Variants in ATRNL1 observed in about 807,000 individuals in gnomAD.
The protein encoded by ATRNL1 is attractin-like protein 1.
Under a neutral mutation model 182.7 loss-of-function variants are expected in ATRNL1, and 95 were observed. That is an observed-to-expected ratio of 0.52 (90% CI 0.44 to 0.62). The LOEUF (loss-of-function observed/expected upper bound fraction) is 0.62. Among genes scored for constraint, ATRNL1 ranks in the 20% least tolerant of loss-of-function variants. ATRNL1 has a pLI of 0.00. For missense variants in ATRNL1, 1,471 were observed against 1,679.5 expected, an observed-to-expected ratio of 0.88 and a Z score of 2.17; for synonymous variants, 576 against 568.3, an observed-to-expected ratio of 1.01 and a Z score of -0.19.
chr10:115,730,648 A>G (rs1481459750), intron 27 of ATRNL1, among the ~76,000 whole-genome samples: 1 of 150,056 alleles, frequency 6.7e-6, no homozygotes, highest in Admixed American at 6.6e-5. Context: ...TGAGGCGGGA[A>G]GAAGTGAATG....
chr10:115,780,665 C>G (rs1247227975), intron 27 of ATRNL1, among the ~76,000 whole-genome samples: 1 of 152,134 alleles, frequency 6.6e-6, no homozygotes, highest in African/African-American at 2.4e-5. Context: ...GCCCCCTTTC[C>G]AGGCCCTAGC....
At chr10:115,331,271 A>G (rs1300005502) in intron 18 of ATRNL1, among the ~76,000 whole-genome samples, 4 of 152,194 alleles carry the variant, frequency 2.6e-5, no homozygotes, top group Non-Finnish European at 5.9e-5. Context: ...CATGTTAGCC[A>G]GGATCATCTC....
intron 28 of ATRNL1, among the ~76,000 whole-genome samples, chr10:115,887,681 T>C (rs1267156990): frequency 2.6e-5 from 4 of 151,450 alleles, no homozygotes; most frequent in African/African-American, 9.7e-5. Flanking sequence ...TTTTTCACCA[T>C]GCCTAGTTCT....
At chr10:115,368,793 A>G (rs1341968238) in intron 19 of ATRNL1, among the ~76,000 whole-genome samples, 1 of 150,694 alleles carries the variant, frequency 6.6e-6, no homozygotes, top group African/African-American at 2.5e-5. Flanking sequence ...GGTTCACTGC[A>G]ACCACCGCCT....
At chr10:115,602,151 C>T (rs1273722856) in intron 26 of ATRNL1, among the ~76,000 whole-genome samples, 2 of 151,794 alleles carry the variant, frequency 1.3e-5, no homozygotes, top group African/African-American at 2.4e-5. Flanking sequence ...GTCAGGAGTT[C>T]GAGACCAGCC....
At chr10:115,756,986 C>CT (rs1164476364) in intron 27 of ATRNL1, among the ~76,000 whole-genome samples, 11 of 151,854 alleles carry the variant, frequency 7.2e-5, no homozygotes, top group South Asian at 4.2e-4. Flanking sequence ...GCAACCCCTG[C>CT]TTTTTTTTGT....
At chr10:115,109,592 CG>C (rs572049923) in intron 1 of ATRNL1, among the ~76,000 whole-genome samples, 262 of 152,184 alleles carry the variant, frequency 1.7e-3, no homozygotes, top group African/African-American at 5.9e-3. Context: ...ACTGTTGTAT[CG>C]GGGATTAAGT....
At chr10:115,564,420 C>T (rs1555000889) in intron 26 of ATRNL1, among the ~76,000 whole-genome samples, 1 of 151,814 alleles carries the variant, frequency 6.6e-6, no homozygotes, top group Non-Finnish European at 1.5e-5. Context: ...TGTTCTAGTT[C>T]CTTGAGTAGC....
intron 8 of ATRNL1, among the ~76,000 whole-genome samples, chr10:115,212,142 G>A (rs1849051362): frequency 6.6e-6 from 1 of 151,782 alleles, no homozygotes; most frequent in Non-Finnish European, 1.5e-5. Flanking sequence ...GGTGTACTGA[G>A]CTCAGTACCC....
intron 15 of ATRNL1, among the ~76,000 whole-genome samples, chr10:115,290,954 G>A (rs1354664984): frequency 3.3e-5 from 5 of 152,154 alleles, no homozygotes; most frequent in Admixed American, 6.5e-5. Flanking sequence ...TACTGTACAC[G>A]TGGTTGACAA....
intron 26 of ATRNL1, among the ~76,000 whole-genome samples, chr10:115,664,231 T>A (rs182019127): frequency 5.3e-5 from 8 of 152,332 alleles, no homozygotes; most frequent in Non-Finnish European, 1.0e-4. Flanking sequence ...GTCAGTATTA[T>A]GCTGTGTTCT....
chr10:115,721,428 A>C (rs1947420828), intron 26 of ATRNL1, among the ~76,000 whole-genome samples: 1 of 152,176 alleles, frequency 6.6e-6, no homozygotes, highest in Admixed American at 6.5e-5. Flanking sequence ...CACTACTGAT[A>C]AAGACATACT....
chr10:115,573,969 A>T (rs1360631120), intron 26 of ATRNL1, among the ~76,000 whole-genome samples: 1 of 152,170 alleles, frequency 6.6e-6, no homozygotes, highest in Non-Finnish European at 1.5e-5. Context: ...TCTGTGTCCG[A>T]TTGTAGGAGA....
rs781857671 is a variant in ATRNL1, at chr10:115,549,438, A to G, written c.3717-20A>G. The stretch of plus-strand genomic sequence containing the variant: ...TTCAAATAAGTTTTGAGCAAAAATT[A>G]TTTGTGTTTTATTTTCCAGTTGTTT... On this transcript the variant is annotated intron_variant, in intron 25 of 28. Coordinates refer to ENST00000355044, the MANE Select transcript of ATRNL1 (RefSeq NM_207303.4). 4 of 1,570,274 alleles carry G rather than the reference A, an allele frequency of 2.5e-6. No homozygotes were observed. The highest frequency in any genetic ancestry group is 3.6e-4 in the Middle Eastern group (2 of 5,622).
chr10:115,233,182 A>G lies in ATRNL1; in HGVS notation c.1533-8389A>G, dbSNP rs1850031847. The stretch of plus-strand genomic sequence containing the variant: ...ACCAGTCACTGGATTTAGGACCCAT[A>G]CTTGTTTAGGATTAGATCTATGTGA... On this transcript the variant is annotated intron_variant, in intron 9 of 28. Coordinates refer to ENST00000355044, the MANE Select transcript of ATRNL1 (RefSeq NM_207303.4). 3.3e-5 allele frequency among the ~76,000 whole-genome samples: 5 copies of G among 152,142 alleles called. No homozygotes were observed. The South Asian group carries it at 1.0e-3, about 32-fold the overall frequency.
chr10:115,329,086 A>G (rs1427644347), intron 18 of ATRNL1, among the ~76,000 whole-genome samples: 4 of 152,074 alleles, frequency 2.6e-5, no homozygotes, highest in African/African-American at 9.7e-5. Flanking sequence ...AAAAATGTAT[A>G]GAGTTCCCCT....
At chr10:115,656,035 C>A (rs1022681148) in intron 26 of ATRNL1, among the ~76,000 whole-genome samples, 1 of 152,112 alleles carries the variant, frequency 6.6e-6, no homozygotes, top group African/African-American at 2.4e-5. Flanking sequence ...GATCCCATGA[C>A]CAGGACAACT....
At chr10:115,312,581 C>T (rs972998094) in intron 17 of ATRNL1, among the ~76,000 whole-genome samples, 1 of 151,964 alleles carries the variant, frequency 6.6e-6, no homozygotes, top group Non-Finnish European at 1.5e-5. Context: ...TGACTATATA[C>T]ATTGGTAATG....
At chr10:115,391,620 C>T (rs190855852) in intron 19 of ATRNL1, among the ~76,000 whole-genome samples, 271 of 125,204 alleles carry the variant, frequency 2.2e-3, no homozygotes, top group Non-Finnish European at 3.7e-3. Context: ...CTATTCAATG[C>T]ATTTTTTTTT....
Sources: allele counts gnomAD v4.1 joint callset (sites outside exome capture counted in the v4.1 genomes callset), GRCh38; gene constraint gnomAD v4.1.1; transcripts MANE v1.5; gene names NCBI Gene and HGNC (gene_info 2026-07-23, HGNC 2026-07-21).